The following U2SURP variants were observed in gnomAD, a reference collection of about 807,000 sequenced individuals.
The protein encoded by U2SURP is U2 snRNP-associated SURP motif-containing protein.
A neutral mutation model predicts 144.9 loss-of-function variants in U2SURP; 9 were observed. The observed-to-expected ratio is 0.06, with a 90% CI of 0.04 to 0.11. The LOEUF is 0.11. U2SURP is among the 10% of genes least tolerant of loss of function. The pLI, the probability that U2SURP is intolerant of heterozygous loss-of-function variation, is 1.00. For missense variants in U2SURP, 724 were observed against 1,226.7 expected (o/e 0.59, Z 6.12); for synonymous variants, 408 against 396.8 (o/e 1.03, Z -0.33).
At chr3:143,032,502 G>T (rs1422626647) in intron 16 of U2SURP, among the ~76,000 whole-genome samples, 1 of 152,196 alleles carries the variant, frequency 6.6e-6, no homozygotes, top group Non-Finnish European at 1.5e-5. Flanking sequence ...TAAGACTGGG[G>T]TGCTCTTAAA....
In U2SURP at chr3:143,043,772, A is replaced by ATT. The variant is rs559942509; in HGVS notation, c.2544+509_2544+510dup. ...ATGTGTTATGTACTGTGAGAAATCC[A>ATT]TTTTTTTTTTTTTTGAGATGGAGTC... On this transcript the variant is annotated intron_variant, in intron 24 of 27. Transcript: ENST00000473835. 6.7e-3 allele frequency among the ~76,000 whole-genome samples: 936 copies of ATT among 140,742 alleles called. 9 individuals are homozygous for ATT. Among genetic ancestry groups the ATT allele is most frequent in the African/African-American group, 0.023 (883 of 38,436 alleles). The allele number at this position is 140,742 out of a possible 152,430, so 92.3% of individuals were successfully genotyped here.
chr3:143,056,576 A>G lies in U2SURP; in HGVS notation c.*126A>G, dbSNP rs1458665607. On this transcript the variant is annotated 3_prime_UTR_variant, in exon 28 of 28. Transcript: ENST00000473835. ...CCTGGGGTTTTTTGTTTGTTTGTGT[A>G]TGCATGTGTAAACTCATGAGCAACT... 5.2e-6 allele frequency: 6 copies of G among 1,148,354 alleles called. No individual in the cohort carries two copies. The highest frequency in any genetic ancestry group is 6.1e-6 in the Non-Finnish European group (5 of 824,622). The allele number at this position is 1,148,354 out of a possible 1,614,324, so 71.1% of individuals were successfully genotyped here.
At chr3:143,054,183 T>A (rs180839446) in intron 26 of U2SURP, among the ~76,000 whole-genome samples, 2 of 152,378 alleles carry the variant, frequency 1.3e-5, no homozygotes, top group Admixed American at 6.5e-5. Flanking sequence ...CTTAGTCTTA[T>A]CTTGAAAGGA....
At chr3:143,032,473 C>G (rs1009097952) in intron 16 of U2SURP, among the ~76,000 whole-genome samples, 2 of 152,160 alleles carry the variant, frequency 1.3e-5, no homozygotes, top group African/African-American at 4.8e-5. Flanking sequence ...CATGAAAGTT[C>G]TTCAGTATCA....
intron 20 of U2SURP, 58 bp from the exon 21 acceptor site, chr3:143,037,121 C>T (rs896453972): frequency 1.3e-6 from 2 of 1,529,710 alleles, no homozygotes; most frequent in African/African-American, 2.7e-5. Context: ...ATTAATCTTA[C>T]AAGCAATGTG....
chr3:143,045,674 A>C (rs947226850), intron 24 of U2SURP, among the ~76,000 whole-genome samples: 2 of 152,152 alleles, frequency 1.3e-5, no homozygotes, highest in Non-Finnish European at 2.9e-5. Context: ...TCCATACTTC[A>C]TGTGCTCTTT....
At chr3:143,052,400 A>AATT (rs143163583) in intron 25 of U2SURP, among the ~76,000 whole-genome samples, 56 of 152,006 alleles carry the variant, frequency 3.7e-4, no homozygotes, top group Non-Finnish European at 5.9e-4. Flanking sequence ...CTGTCTAAAA[A>AATT]AATAATAATA....
chr3:143,014,512 G>A (rs1936265304), intron 4 of U2SURP, 103 bp downstream of exon 4: 2 of 676,812 alleles, frequency 3.0e-6, no homozygotes, highest in Non-Finnish European at 4.6e-6. Flanking sequence ...TAACCTCTAG[G>A]ATATTCTCAG....
chr3:143,026,083 C>G (rs1315550839), intron 13 of U2SURP: 3 of 152,086 alleles, frequency 2.0e-5, no homozygotes, highest in Non-Finnish European at 4.4e-5. Context: ...TATTTGCCAG[C>G]TGTGTATGGA....
At chr3:143,056,171 T>C in intron 27 of U2SURP, 141 bp from the exon 28 acceptor site, 2 of 811,152 alleles carry the variant, frequency 2.5e-6, no homozygotes, top group Non-Finnish European at 3.8e-6. Context: ...TACAATAGAG[T>C]TTAAATTTTA....
chr3:143,027,405 A>C, intron 14 of U2SURP, 152 bp downstream of exon 14: 1 of 587,388 alleles, frequency 1.7e-6, no homozygotes, highest in East Asian at 3.1e-5. Context: ...CATCTTCCAA[A>C]ATGGAAATTC....
chr3:143,021,216 G>A (rs975526074), intron 8 of U2SURP, 134 bp from the exon 9 acceptor site: 2 of 979,884 alleles, frequency 2.0e-6, no homozygotes, highest in Non-Finnish European at 3.1e-6. Context: ...CAACAACAGA[G>A]TTGTGTGAAG....
rs765135357 is a variant in U2SURP, at chr3:143,016,932, A to G, written c.527A>G (p.Asn176Ser). 1.6e-5 allele frequency: 25 copies of G among 1,593,810 alleles called. 1 individual carries two copies. The South Asian group carries it at 1.8e-4, about 12-fold the overall frequency. The stretch of plus-strand genomic sequence containing the variant: ...AAAAATCCTCCAAATCAGTCTTCCA[A>G]TGAAAGACCACCATCTCTTCTTGTG... ...DQKNPPNQSS[N>S]ERPPSLLVIE... Residue 176 changes from asparagine to serine, a missense_variant, in exon 6 of 28, where the codon AAT becomes AGT. Physicochemically the swap from Asn to Ser is conservative, Grantham distance 46. Transcript: ENST00000473835.
intron 23 of U2SURP, among the ~76,000 whole-genome samples, chr3:143,040,218 G>A (rs539030602): frequency 4.6e-5 from 7 of 151,802 alleles, no homozygotes; most frequent in African/African-American, 1.7e-4. Flanking sequence ...TAGTTTTTTG[G>A]CATAAAACTG....
At chr3:143,048,164 G>A (rs1489382078) in intron 24 of U2SURP, among the ~76,000 whole-genome samples, 1 of 152,206 alleles carries the variant, frequency 6.6e-6, no homozygotes, top group Admixed American at 6.5e-5. Context: ...AATAAGGGCT[G>A]GATAGTTAAG....
At chr3:143,032,677 A>T in intron 16 of U2SURP, 107 bp from the exon 17 acceptor site, 1 of 1,006,776 alleles carries the variant, frequency 9.9e-7, no homozygotes, top group South Asian at 1.7e-5. Context: ...AGTCTTCAGA[A>T]TTATTTTATG....
In U2SURP at chr3:143,010,743, T is replaced by C. The variant is rs1195979198; in HGVS notation, c.46-72T>C. The C allele has an allele frequency of 2.5e-6, 3 of 1,206,966 alleles. No homozygotes were observed. The Admixed American group carries it at 6.9e-5, about 28-fold the overall frequency. 74.8% of individuals were successfully genotyped at this position (1,206,966 alleles called of 1,614,324 possible). On this transcript the variant is annotated intron_variant, in intron 1 of 27. Coordinates refer to ENST00000473835, the MANE Select transcript of U2SURP (RefSeq NM_001080415.2). Reference sequence around the variant, plus strand: ...AGAAGTTAGGAAACTCTTAAGTTTGTATAACACGAGAGACATGTTTTGTTA... The same window carrying C: ...AGAAGTTAGGAAACTCTTAAGTTTGCATAACACGAGAGACATGTTTTGTTA...
intron 10 of U2SURP, among the ~76,000 whole-genome samples, chr3:143,021,851 A>G (rs1215644093): frequency 2.0e-5 from 3 of 152,162 alleles, no homozygotes; most frequent in Non-Finnish European, 4.4e-5. Context: ...TCTGATGCAT[A>G]CTTGTTTCCT....
rs1560194786 is a variant in U2SURP at position 143,036,047 on chromosome 3, C to T, written c.2007C>T (p.Ile669=). The T allele has an allele frequency of 6.2e-7, 1 of 1,611,040 alleles. No homozygotes were observed. The highest frequency in any genetic ancestry group is 1.3e-5 in the African/African-American group (1 of 74,908). The change falls in exon 20 of 28, where the codon ATC becomes ATT. Residue 669 remains isoleucine, a synonymous_variant. Coordinates refer to ENST00000473835, the MANE Select transcript of U2SURP (RefSeq NM_001080415.2). ...CAATTTATCCAGAACCATTTTTGAT[C>T]AAACTACAAAATATTTTCTTAGGAC... The part of the protein sequence containing the change: ...DWAIYPEPFL[I]KLQNIFLGLV...
Sources: allele counts gnomAD v4.1 joint callset (sites outside exome capture counted in the v4.1 genomes callset), GRCh38; gene constraint gnomAD v4.1.1; transcripts MANE v1.5; gene names NCBI Gene and HGNC (gene_info 2026-07-23, HGNC 2026-07-21).